Variants in ALOX5 observed in about 807,000 individuals in gnomAD.
ALOX5 encodes arachidonate 5-lipoxygenase, also known as polyunsaturated fatty acid 5-lipoxygenase.
Under a neutral mutation model 87.9 loss-of-function variants are expected in ALOX5, and 64 were observed. The ratio of observed to expected loss-of-function variants is 0.73; its 90% CI spans 0.60 to 0.90. ALOX5 has a LOEUF of 0.90. Ranked by LOEUF, ALOX5 falls within the 40% of genes least tolerant of loss-of-function variation. The pLI, the probability that ALOX5 is intolerant of heterozygous loss-of-function variation, is 0.00. For synonymous variants in ALOX5, 388 were observed against 355.1 expected (o/e 1.09, Z -1.04); for missense variants, 822 against 907.5 (o/e 0.91, Z 1.21).
In ALOX5 at chr10:45,374,223, G is replaced by A; in HGVS notation, c.-57G>A. On this transcript the variant is annotated 5_prime_UTR_variant, in exon 1 of 14. Transcript: ENST00000374391. Reference sequence around the variant, plus strand: ...GGAGGAGGCTGCGGCGCTAGATGCGGACACCTGGACCGCCGCGCCGAGGCT... The same window carrying A: ...GGAGGAGGCTGCGGCGCTAGATGCGAACACCTGGACCGCCGCGCCGAGGCT... 4 of 1,411,810 alleles carry A rather than the reference G, an allele frequency of 2.8e-6. No homozygotes were observed. The highest frequency in any genetic ancestry group is 2.0e-4 in the Middle Eastern group (1 of 4,990). 87.5% of individuals were successfully genotyped at this position (1,411,810 alleles called of 1,614,324 possible). A position where few individuals can be genotyped will look rare whatever the true frequency, so the allele number is the denominator to read the frequency against.
intron 3 of ALOX5, among the ~76,000 whole-genome samples, chr10:45,409,302 A>C (rs1277396867): frequency 7.4e-6 from 1 of 136,012 alleles, no homozygotes; most frequent in Non-Finnish European, 1.5e-5. Context: ...CCTATTCTTG[A>C]ATTGTTCTTT....
chr10:45,379,686 G>C (rs1246072377), intron 1 of ALOX5, among the ~76,000 whole-genome samples: 1 of 152,208 alleles, frequency 6.6e-6, no homozygotes, highest in Admixed American at 6.5e-5. Flanking sequence ...CACACAACCG[G>C]TGGCCTGTGC....
chr10:45,395,170 A>G (rs1211353690), intron 2 of ALOX5, among the ~76,000 whole-genome samples: 7 of 152,318 alleles, frequency 4.6e-5, no homozygotes, highest in South Asian at 2.1e-4. Context: ...TGTTTATTGC[A>G]GCACTATTCA....
chr10:45,392,714 A>AG (rs1387026320), intron 2 of ALOX5, among the ~76,000 whole-genome samples: 38 of 151,656 alleles, frequency 2.5e-4, no homozygotes, highest in African/African-American at 7.6e-4. Context: ...TTAAAAAAAA[A>AG]GAAAAAAAAA....
At chr10:45,439,930 G>A (rs1378673465) in intron 7 of ALOX5, among the ~76,000 whole-genome samples, 1 of 152,180 alleles carries the variant, frequency 6.6e-6, no homozygotes, top group Non-Finnish European at 1.5e-5. Flanking sequence ...CCTTTAAACA[G>A]GAGGAGCTGA....
chr10:45,388,599 G>A (rs1170037353), intron 2 of ALOX5, among the ~76,000 whole-genome samples: 2 of 152,242 alleles, frequency 1.3e-5, no homozygotes, highest in Admixed American at 1.3e-4. Flanking sequence ...TGGACCTCTA[G>A]CAAACATCAA....
At chr10:45,427,256 C>T (rs1428212265) in intron 6 of ALOX5, among the ~76,000 whole-genome samples, 2 of 152,196 alleles carry the variant, frequency 1.3e-5, no homozygotes, top group Non-Finnish European at 1.5e-5. Flanking sequence ...TGGGTAGAGT[C>T]TGATGGTCAC....
chr10:45,376,927 C>T (rs1215191727), intron 1 of ALOX5, among the ~76,000 whole-genome samples: 4 of 152,218 alleles, frequency 2.6e-5, no homozygotes, highest in Non-Finnish European at 5.9e-5. Flanking sequence ...GCCCTGTTTC[C>T]AGAGGCTAAC....
intron 2 of ALOX5, 33 bp from the exon 3 acceptor site, chr10:45,395,822 T>G: frequency 6.2e-7 from 1 of 1,600,558 alleles, no homozygotes; most frequent in South Asian, 1.1e-5. Flanking sequence ...TTGTTCTTCC[T>G]CAGGCTCCTC....
intron 7 of ALOX5, among the ~76,000 whole-genome samples, chr10:45,439,772 C>A (rs530566483): frequency 6.6e-6 from 1 of 152,332 alleles, no homozygotes; most frequent in South Asian, 2.1e-4. Flanking sequence ...GAAAAAAACT[C>A]ACCTTGTCCC....
chr10:45,382,502 CTG>C lies in ALOX5; in HGVS notation c.173_174del (p.Val58GlyfsTer21). 6.2e-7 allele frequency: 1 copy of C among 1,614,242 alleles called. No individual in the cohort carries two copies. Among genetic ancestry groups the C allele is most frequent in the Non-Finnish European group, 8.5e-7 (1 of 1,180,048 alleles). Reference sequence around the variant, plus strand: ...TCCCAGGTGGATTCATACGACGTGACTGTGGACGAGGAACTGGGCGAGATCCA... The same window carrying C: ...TCCCAGGTGGATTCATACGACGTGACTGGACGAGGAACTGGGCGAGATCCA... On this transcript the variant is annotated frameshift_variant, in exon 2 of 14. Transcript: ENST00000374391. LOFTEE classifies it high-confidence loss of function.
At chr10:45,445,150 G>A (rs1842396259) in intron 13 of ALOX5, among the ~76,000 whole-genome samples, 1 of 152,224 alleles carries the variant, frequency 6.6e-6, no homozygotes, top group South Asian at 2.1e-4. Flanking sequence ...CGCCCCTGAT[G>A]GGAGGTGAGA....
In ALOX5 at chr10:45,445,518, G is replaced by A. The variant is rs559240229; in HGVS notation, c.1856G>A (p.Gly619Asp). 1.9e-6 allele frequency: 3 copies of A among 1,613,490 alleles called. No individual in the cohort carries two copies. Among genetic ancestry groups the A allele is most frequent in the Admixed American group, 1.7e-5 (1 of 59,992 alleles). The change falls in exon 14 of 14, where the codon GGC (glycine) becomes GAC (aspartate). Residue 619 changes from glycine (G) to aspartate (D), a missense_variant. Coordinates refer to ENST00000374391, the MANE Select transcript of ALOX5 (RefSeq NM_000698.5). ...TGTCTGGGCCCTCAGCTGTTCCTGG[G>A]CATGTACCCAGAAGAGCATTTTATC... ...SQFQENELFL[G>D]MYPEEHFIEK...
chr10:45,404,285 C>T (rs957353705), intron 3 of ALOX5, among the ~76,000 whole-genome samples: 1 of 152,196 alleles, frequency 6.6e-6, no homozygotes, highest in African/African-American at 2.4e-5. Context: ...CAGAAGATTT[C>T]TCAGGCTTCC....
intron 3 of ALOX5, among the ~76,000 whole-genome samples, chr10:45,400,196 G>C (rs1840650734): frequency 6.6e-6 from 1 of 152,172 alleles, no homozygotes; most frequent in Non-Finnish European, 1.5e-5. Context: ...CATATTTATA[G>C]CACCATTGTT....
chr10:45,417,323 T>G (rs11239524), intron 4 of ALOX5, among the ~76,000 whole-genome samples: 21,667 of 152,194 alleles, frequency 0.14, 1,683 homozygotes, highest in Non-Finnish European at 0.16. Flanking sequence ...CTGCACAAAC[T>G]GTGGAACCAG....
rs1450756017 is a variant in ALOX5 at position 45,444,262 on chromosome 10, G to A, written c.1821G>A (p.Ala607=). ...RSCWHLGAVW[A]LSQFQENELF... ...GCTGGCATCTGGGTGCAGTGTGGGC[G>A]CTGAGCCAGTTCCAGGAAAACGAGG... The change falls in exon 13 of 14, where the codon GCG becomes GCA. Residue 607 remains alanine (A), a synonymous_variant. Coordinates refer to ENST00000374391, the MANE Select transcript of ALOX5 (RefSeq NM_000698.5). 1.9e-6 allele frequency: 3 copies of A among 1,554,694 alleles called. No homozygotes were observed. The highest frequency in any genetic ancestry group is 2.4e-5 in the East Asian group (1 of 41,880).
rs762829268 is a variant in ALOX5, at chr10:45,445,544, G to A, written c.1882G>A (p.Glu628Lys). The change falls in exon 14 of 14, where the codon GAG becomes AAG. Residue 628 changes from glutamate (E) to lysine (K), a missense_variant. Transcript: ENST00000374391. ...CATGTACCCAGAAGAGCATTTTATCGAGAAGCCTGTGAAGGAAGCCATGGC... is the reference window on the plus strand; with the variant it reads ...CATGTACCCAGAAGAGCATTTTATCAAGAAGCCTGTGAAGGAAGCCATGGC... ...LGMYPEEHFI[E>K]KPVKEAMARF... 4.3e-6 allele frequency: 7 copies of A among 1,613,992 alleles called. No individual in the cohort carries two copies. Among genetic ancestry groups the A allele is most frequent in the African/African-American group, 1.3e-5 (1 of 74,914 alleles).
chr10:45,443,873 C>T (rs1208223299), intron 12 of ALOX5, 45 bp downstream of exon 12: 3 of 1,547,574 alleles, frequency 1.9e-6, no homozygotes, highest in African/African-American at 1.4e-5. Flanking sequence ...TTCTCAAGGC[C>T]GCTGCCTCCT....
Sources: allele counts gnomAD v4.1 joint callset (sites outside exome capture counted in the v4.1 genomes callset), GRCh38; gene constraint gnomAD v4.1.1; transcripts MANE v1.5; gene names NCBI Gene and HGNC (gene_info 2026-07-23, HGNC 2026-07-21).